Variants in OSBPL2 observed in about 807,000 individuals in gnomAD.
OSBPL2 encodes the protein oxysterol binding protein like 2.
A neutral mutation model predicts 58.4 loss-of-function variants in OSBPL2; 18 were observed. That is an observed-to-expected ratio of 0.31 (90% CI 0.21 to 0.46). The LOEUF is 0.46. OSBPL2 is among the 20% of genes least tolerant of loss of function. The pLI is 1.00. For missense variants in OSBPL2, 461 were observed against 616.5 expected (o/e 0.75, Z 2.67); for synonymous variants, 221 against 234.1 (o/e 0.94, Z 0.51).
rs548116767 is a variant in OSBPL2, at chr20:62,241,232, G to A, written c.-129+2635G>A. On this transcript the variant is annotated intron_variant, in intron 1 of 13. Coordinates refer to ENST00000313733, the MANE Select transcript of OSBPL2 (RefSeq NM_144498.4). The stretch of plus-strand genomic sequence containing the variant: ...GTCGCCCAGGCTGGAGTGCAGTGGC[G>A]CGAACTCGGCTCACTGCAAACGCGA... Among the ~76,000 whole-genome samples the A allele has an allele frequency of 1.1e-3, 174 of 151,808 alleles. 1 individual carries two copies. Among genetic ancestry groups the A allele is most frequent in the South Asian group, 4.2e-3 (20 of 4,812 alleles).
intron 2 of OSBPL2, chr20:62,259,249 G>A (rs1981136392): frequency 6.6e-6 from 1 of 152,278 alleles, no homozygotes; most frequent in Non-Finnish European, 1.5e-5. Flanking sequence ...AGACTGACAG[G>A]AGTTGAAGGG....
intron 1 of OSBPL2, among the ~76,000 whole-genome samples, chr20:62,239,955 C>T (rs1472207658): frequency 6.6e-6 from 1 of 152,220 alleles, no homozygotes; most frequent in Non-Finnish European, 1.5e-5. Context: ...CGGCTTCAAG[C>T]CATTCTCCTG....
intron 11 of OSBPL2, among the ~76,000 whole-genome samples, chr20:62,287,181 A>G (rs778105550): frequency 2.6e-5 from 4 of 151,982 alleles, no homozygotes; most frequent in Non-Finnish European, 4.4e-5. Context: ...AATTGCACTT[A>G]TAATTTTTAT....
chr20:62,259,090 T>G (rs890469029), intron 2 of OSBPL2: 2 of 152,268 alleles, frequency 1.3e-5, no homozygotes, highest in African/African-American at 4.8e-5. Context: ...CCCGGGCTTG[T>G]GCCCCTCACG....
chr20:62,258,012 G>A (rs1981045249), intron 2 of OSBPL2, among the ~76,000 whole-genome samples: 3 of 152,134 alleles, frequency 2.0e-5, no homozygotes, highest in Non-Finnish European at 4.4e-5. Flanking sequence ...ACTGCGCCTG[G>A]CCAACTCTGA....
At chr20:62,268,342 C>T (rs1056152510) in intron 4 of OSBPL2, among the ~76,000 whole-genome samples, 4 of 152,084 alleles carry the variant, frequency 2.6e-5, no homozygotes, top group Non-Finnish European at 5.9e-5. Context: ...ATGGGTCCTG[C>T]ATCAAATTTA....
intron 1 of OSBPL2, among the ~76,000 whole-genome samples, chr20:62,254,514 G>A (rs1980789280): frequency 6.6e-6 from 1 of 152,272 alleles, no homozygotes; most frequent in Admixed American, 6.5e-5. Context: ...CTGGGAAGGA[G>A]GGAGGAACCG....
intron 11 of OSBPL2, among the ~76,000 whole-genome samples, chr20:62,287,949 A>G (rs950715446): frequency 2.0e-5 from 3 of 151,940 alleles, no homozygotes; most frequent in Non-Finnish European, 4.4e-5. Context: ...GAGGCGGGGC[A>G]GGTGGTTGAC....
chr20:62,282,133 T>C (rs1379001297), intron 9 of OSBPL2: 1 of 309,132 alleles, frequency 3.2e-6, no homozygotes, highest in Non-Finnish European at 6.2e-6. Context: ...CTTCTTTTGA[T>C]AAAATTGTCT....
chr20:62,291,443 T>G, intron 12 of OSBPL2: 1 of 470,814 alleles, frequency 2.1e-6, no homozygotes, highest in Non-Finnish European at 4.0e-6. Flanking sequence ...CCCGCAGACT[T>G]TGAGTAGTGC....
intron 4 of OSBPL2, among the ~76,000 whole-genome samples, chr20:62,266,447 G>A (rs1457095098): frequency 6.6e-6 from 1 of 152,218 alleles, no homozygotes; most frequent in Non-Finnish European, 1.5e-5. Flanking sequence ...AGACAGTGGT[G>A]AGCTCATGTC....
At chr20:62,275,995 C>T (rs1234523971) in intron 6 of OSBPL2, among the ~76,000 whole-genome samples, 3 of 151,522 alleles carry the variant, frequency 2.0e-5, no homozygotes, top group East Asian at 3.9e-4. Flanking sequence ...CTGCAACCTC[C>T]GCCTGCTGGT....
In OSBPL2 at chr20:62,269,253, G is replaced by C. The variant is rs1981895659; in HGVS notation, c.259-2872G>C. Among the ~76,000 whole-genome samples the C allele has an allele frequency of 6.6e-6, 1 of 152,152 alleles. No homozygotes were observed. The highest frequency in any genetic ancestry group is 1.5e-5 in the Non-Finnish European group (1 of 68,032). ...CGCTCCCTCACATGGCTGCCACCTAGCTTATTGGACTGGCGCCCTGTTGTT... is the reference window on the plus strand; with the variant it reads ...CGCTCCCTCACATGGCTGCCACCTACCTTATTGGACTGGCGCCCTGTTGTT... On this transcript the variant is annotated intron_variant, in intron 4 of 13. Transcript: ENST00000313733. This position sits in a 1 kb window ranked among gnomAD's most constrained non-coding sequence, Gnocchi z 4.2.
rs1378641907 is a variant in OSBPL2, at chr20:62,272,139, C to T, written c.273C>T (p.Ile91=). Residue 91 remains isoleucine, a synonymous_variant, in exon 5 of 14, where the codon ATC becomes ATT. Coordinates refer to ENST00000313733, the MANE Select transcript of OSBPL2 (RefSeq NM_144498.4). The stretch of plus-strand genomic sequence containing the variant: ...CATCTTTCCAGGAGCTGTCCAAGAT[C>T]ACGATGCCAATCGCCTTCAACGAGC... ...KKCVGLELSK[I]TMPIAFNEPL... 4 of 1,613,690 alleles carry T rather than the reference C, an allele frequency of 2.5e-6. No individual in the cohort carries two copies. The highest frequency in any genetic ancestry group is 1.1e-5 in the South Asian group (1 of 91,090).
intron 1 of OSBPL2, among the ~76,000 whole-genome samples, chr20:62,239,285 T>C (rs1979559917): frequency 6.6e-6 from 1 of 152,226 alleles, no homozygotes; most frequent in Non-Finnish European, 1.5e-5. Flanking sequence ...TTTGGTAATG[T>C]AATTTTAAGA....
In OSBPL2 at chr20:62,258,309, C is replaced by G. The variant is rs902796526; in HGVS notation, c.38-1672C>G. ...AATACCCGTGCTAGAGGTAGACTCT[C>G]GACTCCTTCACCGCCTATAATACTC... On this transcript the variant is annotated intron_variant, in intron 2 of 13. Transcript: ENST00000313733. Among the ~76,000 whole-genome samples, 4 of 152,202 alleles carry G rather than the reference C, an allele frequency of 2.6e-5. No individual in the cohort carries two copies. In the East Asian group the frequency reaches 5.8e-4, roughly 22 times the overall value.
intron 1 of OSBPL2, among the ~76,000 whole-genome samples, chr20:62,250,321 A>G (rs566811840): frequency 1.3e-5 from 2 of 151,874 alleles, no homozygotes; most frequent in Non-Finnish European, 2.9e-5. Context: ...TGTTATGGCA[A>G]CTCCTTCAGG....
At chr20:62,281,734 C>G in intron 8 of OSBPL2, 56 bp from the exon 9 acceptor site, 1 of 1,356,252 alleles carries the variant, frequency 7.4e-7, no homozygotes, top group African/African-American at 1.4e-5. Flanking sequence ...TACAGAGTTA[C>G]CCTTTCCGGC....
In OSBPL2 at chr20:62,259,961, C is replaced by T. The variant is rs754501047; in HGVS notation, c.38-20C>T. ...ATCTTTCAGGTCCAGCGAAAATGAC[C>T]ATTTTCTTGTCTCGCACAGGCTTTG... On this transcript the variant is annotated intron_variant, in intron 2 of 13. Transcript: ENST00000313733. 1.2e-6 allele frequency: 2 copies of T among 1,604,084 alleles called. No individual in the cohort carries two copies. Among genetic ancestry groups the T allele is most frequent in the Non-Finnish European group, 8.5e-7 (1 of 1,176,526 alleles).
Sources: gnomAD v4.1 joint callset for allele counts (sites outside exome capture counted in the v4.1 genomes callset) on GRCh38, gnomAD v4.1.1 for gene constraint, Gnocchi (gnomAD v3.1) non-coding constraint, MANE v1.5 for transcripts, NCBI Gene and HGNC (gene_info 2026-07-23, HGNC 2026-07-21) for gene names.